Variants in MYRIP observed in about 807,000 individuals in gnomAD.
MYRIP encodes the protein rab effector MyRIP.
In MYRIP, 49 loss-of-function variants were observed where a neutral mutation model predicts 98.0. The observed-to-expected ratio is 0.50, with a 90% CI of 0.40 to 0.63. The LOEUF (loss-of-function observed/expected upper bound fraction) is 0.63, where lower values mean the gene tolerates loss of function less well. Among genes scored for constraint, MYRIP ranks in the 30% least tolerant of loss-of-function variants. MYRIP has a pLI of 0.00. For synonymous variants in MYRIP, 404 were observed against 409.5 expected, an observed-to-expected ratio of 0.99 and a Z score of 0.16; for missense variants, 1,004 against 1,058.2, an observed-to-expected ratio of 0.95 and a Z score of 0.71.
At chr3:40,233,465 C>T (rs905205244) in intron 11 of MYRIP, among the ~76,000 whole-genome samples, 2 of 152,080 alleles carry the variant, frequency 1.3e-5, no homozygotes, top group African/African-American at 4.8e-5. Context: ...AAATGCCAGT[C>T]CAGAAAGCTA....
chr3:40,008,944 T>C (rs536412405), intron 2 of MYRIP, among the ~76,000 whole-genome samples: 27 of 152,216 alleles, frequency 1.8e-4, no homozygotes, highest in Non-Finnish European at 2.9e-4. Context: ...CCCTGTGTGC[T>C]TCCTATTTCC....
At chr3:39,995,486 A>T (rs1045304931) in intron 2 of MYRIP, among the ~76,000 whole-genome samples, 1 of 152,190 alleles carries the variant, frequency 6.6e-6, no homozygotes, top group Non-Finnish European at 1.5e-5. Context: ...AACTTTAGAG[A>T]AAAAAGAATA....
intron 1 of MYRIP, among the ~76,000 whole-genome samples, chr3:39,820,386 G>C (rs987116370): frequency 1.7e-4 from 26 of 152,100 alleles, no homozygotes; most frequent in African/African-American, 6.0e-4. Context: ...TGATGGTTTT[G>C]TTTGTTTGTT....
At chr3:39,970,553 C>G (rs796066494) in intron 2 of MYRIP, among the ~76,000 whole-genome samples, 22 of 152,222 alleles carry the variant, frequency 1.4e-4, no homozygotes, top group African/African-American at 5.3e-4. Context: ...TACTTTTCCC[C>G]ACTTATTTGC....
intron 1 of MYRIP, among the ~76,000 whole-genome samples, chr3:39,898,688 G>A (rs1314959598): frequency 6.6e-6 from 1 of 152,090 alleles, no homozygotes; most frequent in African/African-American, 2.4e-5. Context: ...GGTGGTGGTA[G>A]TGACTGTCAA....
At chr3:39,838,146 A>T (rs1941682586) in intron 1 of MYRIP, among the ~76,000 whole-genome samples, 1 of 152,224 alleles carries the variant, frequency 6.6e-6, no homozygotes, top group Non-Finnish European at 1.5e-5. Context: ...CAATCATGTC[A>T]TCTGCAAACA....
intron 1 of MYRIP, among the ~76,000 whole-genome samples, chr3:39,876,322 G>C (rs1942993845): frequency 6.6e-6 from 1 of 152,114 alleles, no homozygotes; most frequent in Admixed American, 6.5e-5. Context: ...CTTTTAATTG[G>C]AGCATTTAGC....
intron 1 of MYRIP, among the ~76,000 whole-genome samples, chr3:39,866,092 A>ATCAG (rs1942611930): frequency 2.6e-5 from 4 of 152,134 alleles, no homozygotes; most frequent in African/African-American, 9.7e-5. Flanking sequence ...CAAACACCAC[A>ATCAG]TGTTCCCACT....
At chr3:40,068,119 A>C (rs1302771750) in intron 3 of MYRIP, among the ~76,000 whole-genome samples, 1 of 152,208 alleles carries the variant, frequency 6.6e-6, no homozygotes, top group Non-Finnish European at 1.5e-5. Flanking sequence ...CTTTGTACAG[A>C]TATCCTTTGC....
At chr3:40,230,915 T>A (rs542981732) in intron 11 of MYRIP, among the ~76,000 whole-genome samples, 4 of 151,290 alleles carry the variant, frequency 2.6e-5, no homozygotes, top group Non-Finnish European at 5.9e-5. Flanking sequence ...AACCTCCACC[T>A]CCCAGGTTCA....
chr3:40,251,246 G>C (rs1188282019), intron 15 of MYRIP, among the ~76,000 whole-genome samples: 1 of 152,164 alleles, frequency 6.6e-6, no homozygotes, highest in East Asian at 1.9e-4. Flanking sequence ...TTCTGCTATT[G>C]ATCATTTAAC....
At chr3:40,043,011 C>T (rs921784912) in intron 2 of MYRIP, among the ~76,000 whole-genome samples, 1 of 152,230 alleles carries the variant, frequency 6.6e-6, no homozygotes, top group African/African-American at 2.4e-5. Flanking sequence ...TGCTGCTATG[C>T]TCAGCATCAT....
chr3:39,838,900 C>A (rs1435987414), intron 1 of MYRIP, among the ~76,000 whole-genome samples: 1 of 152,052 alleles, frequency 6.6e-6, no homozygotes, highest in Non-Finnish European at 1.5e-5. Flanking sequence ...TGTTATTGGT[C>A]TATTCAGGGA....
intron 2 of MYRIP, among the ~76,000 whole-genome samples, chr3:40,014,450 A>G (rs1186103032): frequency 6.6e-6 from 1 of 152,182 alleles, no homozygotes; most frequent in Admixed American, 6.5e-5. Flanking sequence ...GGATCTTGGG[A>G]TGAGAACAAT....
intron 2 of MYRIP, among the ~76,000 whole-genome samples, chr3:39,935,034 CA>C (rs1160653634): frequency 6.6e-6 from 1 of 152,204 alleles, no homozygotes; most frequent in African/African-American, 2.4e-5. Context: ...GTTGCTTTCT[CA>C]GGAATTAACT....
intron 3 of MYRIP, among the ~76,000 whole-genome samples, chr3:40,129,546 A>T (rs1007635285): frequency 6.7e-6 from 1 of 149,296 alleles, no homozygotes; most frequent in East Asian, 2.0e-4. Flanking sequence ...GCAGATTCTG[A>T]TTCAGCAGGT....
chr3:40,042,827 A>G (rs1319747520), intron 2 of MYRIP, among the ~76,000 whole-genome samples: 3 of 152,182 alleles, frequency 2.0e-5, no homozygotes, highest in African/African-American at 4.8e-5. Context: ...TTGAAAATGC[A>G]CTTAATAAAC....
At position 40,068,697 on chromosome 3, in the gene MYRIP, T is replaced by A. The variant is rs115977952; in HGVS notation, c.332+24426T>A. ...CCAGTCTCAGCCCTCTTGGGCTACA[T>A]TGATTGACTGAGCCAGAGAGGTAAA... is the stretch of plus-strand genomic sequence containing the variant. On this transcript the variant is annotated intron_variant, in intron 3 of 16. Coordinates refer to ENST00000302541, the MANE Select transcript of MYRIP (RefSeq NM_015460.4). Among the ~76,000 whole-genome samples the A allele has an allele frequency of 3.5e-3, 535 of 152,304 alleles. 3 individuals carry two copies. Among genetic ancestry groups the A allele is most frequent in the Non-Finnish European group, 5.3e-3 (362 of 68,006 alleles).
At chr3:40,220,517 C>A (rs1049817297) in intron 11 of MYRIP, among the ~76,000 whole-genome samples, 1 of 152,140 alleles carries the variant, frequency 6.6e-6, no homozygotes, top group South Asian at 2.1e-4. Context: ...ATATTAAGAA[C>A]TTATGTTAAT....
Sources: allele counts gnomAD v4.1 joint callset (sites outside exome capture counted in the v4.1 genomes callset), GRCh38; gene constraint gnomAD v4.1.1; transcripts MANE v1.5; gene names NCBI Gene and HGNC (gene_info 2026-07-23, HGNC 2026-07-21).